CD36: variants seen among roughly 807,000 people sequenced by gnomAD.
CD36 encodes CD36 molecule (CD36 blood group).
In CD36, 119 loss-of-function variants were observed where a neutral mutation model predicts 55.2. That is an observed-to-expected ratio of 2.15 (90% CI 1.86 to 2.51). The LOEUF (loss-of-function observed/expected upper bound fraction) is 2.51, where lower values mean the gene tolerates loss of function less well. Ranked by LOEUF, CD36 falls within the 30% of genes most tolerant of loss-of-function variation. The probability of loss-of-function intolerance (pLI) is 0.00; values close to 1 mark genes in which losing one functional copy is unlikely to be tolerated. For synonymous variants in CD36, 186 were observed against 193.6 expected, an observed-to-expected ratio of 0.96 and a Z score of 0.33; for missense variants, 819 against 555.5, an observed-to-expected ratio of 1.47 and a Z score of -4.77.
intron 4 of CD36, among the ~76,000 whole-genome samples, chr7:80,659,161 A>G (rs1257408379): frequency 6.6e-6 from 1 of 152,078 alleles, no homozygotes; most frequent in Non-Finnish European, 1.5e-5. Flanking sequence ...TACCTTTTAG[A>G]AAAAAAATTA....
chr7:80,622,120 T>C (rs1365914783), intron 1 of CD36, among the ~76,000 whole-genome samples: 1 of 152,234 alleles, frequency 6.6e-6, no homozygotes, highest in Non-Finnish European at 1.5e-5. Context: ...CATGGGGGAC[T>C]TTCCCACCTT....
chr7:80,623,736 G>A (rs544127682), intron 1 of CD36, among the ~76,000 whole-genome samples: 1 of 152,238 alleles, frequency 6.6e-6, no homozygotes, highest in Admixed American at 6.5e-5. Flanking sequence ...CAGGATACAT[G>A]TTGTTATGTG....
In CD36 at chr7:80,663,414, T is replaced by G. The variant is rs982768458; in HGVS notation, c.609+245T>G. ...ATTTAATAAGGTTTCTACTCATTTA[T>G]AAATACACAATTTTTTTTAAATTAG... On this transcript the variant is annotated intron_variant, in intron 6 of 14. Coordinates refer to ENST00000447544, the MANE Select transcript of CD36 (RefSeq NM_001001548.3). Among the ~76,000 whole-genome samples the G allele has an allele frequency of 5.3e-5, 8 of 152,170 alleles. No individual in the cohort carries two copies. In the East Asian group the frequency reaches 1.5e-3, roughly 29 times the overall value.
chr7:80,668,898 A>G (rs1008727774), intron 8 of CD36, among the ~76,000 whole-genome samples: 3 of 152,226 alleles, frequency 2.0e-5, no homozygotes, highest in Non-Finnish European at 4.4e-5. Flanking sequence ...TACATGGAGG[A>G]GTTAACTATT....
At chr7:80,651,639 G>A (rs767002628) in intron 3 of CD36, among the ~76,000 whole-genome samples, 5 of 152,154 alleles carry the variant, frequency 3.3e-5, no homozygotes, top group Non-Finnish European at 5.9e-5. Flanking sequence ...TGGGCATGGT[G>A]GCTCATGCCT....
chr7:80,607,049 AAAAT>A (rs140442973), intron 1 of CD36, among the ~76,000 whole-genome samples: 1 of 152,308 alleles, frequency 6.6e-6, no homozygotes, highest in East Asian at 1.9e-4. Flanking sequence ...AACAAAGTGA[AAAAT>A]AAATCCTATT....
intron 1 of CD36, among the ~76,000 whole-genome samples, chr7:80,628,654 G>A (rs572046109): frequency 6.6e-6 from 1 of 152,102 alleles, no homozygotes; most frequent in African/African-American, 2.4e-5. Context: ...GAATCACAAG[G>A]TATCAGCTTG....
chr7:80,632,723 C>T (rs1794157615), intron 1 of CD36, among the ~76,000 whole-genome samples: 2 of 151,922 alleles, frequency 1.3e-5, no homozygotes, highest in African/African-American at 4.8e-5. Flanking sequence ...TTTTAAAACA[C>T]ATCATTATGG....
chr7:80,609,262 C>A (rs1792741507), intron 1 of CD36, among the ~76,000 whole-genome samples: 1 of 152,202 alleles, frequency 6.6e-6, no homozygotes, highest in Non-Finnish European at 1.5e-5. Context: ...CGAATCCTTA[C>A]TGAAACATGT....
chr7:80,674,144 A>ATAAG lies in CD36; in HGVS notation c.*4_*7dup. 4 of 1,606,372 alleles carry ATAAG rather than the reference A, an allele frequency of 2.5e-6. No homozygotes were observed. The highest frequency in any genetic ancestry group is 2.2e-5 in the East Asian group (1 of 44,650). ...GTGCATGCAGATCGAAAACAATAAAATAAGTAAGTATGTACCAAAAAATAT... is the reference window on the plus strand; with the variant it reads ...GTGCATGCAGATCGAAAACAATAAAATAAGTAAGTAAGTATGTACCAAAAAATAT... On this transcript the variant is annotated frameshift_variant and stop_retained_variant, in exon 14 of 15. Coordinates refer to ENST00000447544, the MANE Select transcript of CD36 (RefSeq NM_001001548.3). LOFTEE classifies it high-confidence loss of function.
intron 1 of CD36, among the ~76,000 whole-genome samples, chr7:80,644,624 G>T (rs1293407493): frequency 2.0e-5 from 3 of 152,062 alleles, no homozygotes; most frequent in African/African-American, 7.2e-5. Context: ...AAAACTATAT[G>T]ATTACTAAAG....
chr7:80,663,229 T>C, intron 6 of CD36, 60 bp downstream of exon 6: 2 of 1,358,538 alleles, frequency 1.5e-6, no homozygotes, highest in South Asian at 2.3e-5. Context: ...TTCAATGGCA[T>C]TGGCAAGGCA....
chr7:80,636,319 G>C (rs751022226), upstream of CD36, among the ~76,000 whole-genome samples: 3 of 151,870 alleles, frequency 2.0e-5, no homozygotes, highest in Non-Finnish European at 4.4e-5. Flanking sequence ...TCTATTCTTT[G>C]ATTATGAAAA....
rs534257005 is a variant in CD36 at position 80,643,111 on chromosome 7, C to T, written c.-183-2977C>T. Among the ~76,000 whole-genome samples the T allele has an allele frequency of 1.8e-4, 28 of 152,244 alleles. No individual in the cohort carries two copies. The South Asian group carries it at 5.8e-3, about 32-fold the overall frequency. ...GGGAGCCATTGGAGCGCATGCACTA[C>T]TCCCTGGTTTCTTCAGTGGTTACTG... On this transcript the variant is annotated intron_variant, in intron 1 of 14. Transcript: ENST00000447544.
intron 3 of CD36, among the ~76,000 whole-genome samples, chr7:80,648,398 A>G (rs1389887950): frequency 6.6e-6 from 1 of 152,110 alleles, no homozygotes; most frequent in Non-Finnish European, 1.5e-5. Flanking sequence ...TTTTTTGCTG[A>G]CACATAATTA....
chr7:80,663,958 C>T (rs1037617237), intron 6 of CD36, among the ~76,000 whole-genome samples: 5 of 152,100 alleles, frequency 3.3e-5, no homozygotes, highest in African/African-American at 1.2e-4. Context: ...ATACTCATAG[C>T]TCTTTCTTTG....
At chr7:80,603,031 G>T (rs1792329444) in intron 1 of CD36, among the ~76,000 whole-genome samples, 1 of 152,036 alleles carries the variant, frequency 6.6e-6, no homozygotes, top group African/African-American at 2.4e-5. Flanking sequence ...AGTGATCATA[G>T]AAATTTTCTT....
chr7:80,643,821 A>G (rs1262880640), intron 1 of CD36, among the ~76,000 whole-genome samples: 4 of 152,174 alleles, frequency 2.6e-5, no homozygotes, highest in Admixed American at 2.6e-4. Flanking sequence ...GACAGTGACA[A>G]ATCAGTCTTT....
intron 5 of CD36, 100 bp from the exon 6 acceptor site, chr7:80,662,890 T>G: frequency 1.0e-6 from 1 of 967,694 alleles, no homozygotes; most frequent in Non-Finnish European, 1.6e-6. Flanking sequence ...AGATAAGCTT[T>G]AAAAAGTTTT....
Sources: allele counts gnomAD v4.1 joint callset (sites outside exome capture counted in the v4.1 genomes callset), GRCh38; gene constraint gnomAD v4.1.1; transcripts MANE v1.5; gene names NCBI Gene and HGNC (gene_info 2026-07-23, HGNC 2026-07-21).